Variants in NLGN1 observed in about 807,000 individuals in gnomAD.
NLGN1 encodes neuroligin-1.
Under a neutral mutation model 65.5 loss-of-function variants are expected in NLGN1, and 12 were observed. The observed-to-expected ratio is 0.18, with a 90% CI of 0.12 to 0.30. The LOEUF is 0.30. Among genes scored for constraint, NLGN1 ranks in the 10% least tolerant of loss-of-function variants. The pLI is 1.00. For missense variants in NLGN1, 750 were observed against 1,007.1 expected (o/e 0.74, Z 3.46); for synonymous variants, 350 against 359.5 (o/e 0.97, Z 0.30).
chr3:173,770,651 T>C (rs930974473), intron 3 of NLGN1, among the ~76,000 whole-genome samples: 1 of 152,152 alleles, frequency 6.6e-6, no homozygotes, highest in African/African-American at 2.4e-5. Flanking sequence ...TGAGAAACAA[T>C]TGATTCACAG....
intron 2 of NLGN1, among the ~76,000 whole-genome samples, chr3:173,522,943 T>TTTTTTTTTTTTTTTTTTTTTTGAGACGGA (rs1553875214): frequency 9.2e-5 from 14 of 151,966 alleles, no homozygotes; most frequent in South Asian, 2.1e-4. Flanking sequence ...TGTTGTTTTT[T>TTTTTTTTTTTTTTTTTTTTTTGAGACGGA]GACTTTGTAG....
chr3:173,599,819 C>T (rs1361682631), intron 2 of NLGN1, among the ~76,000 whole-genome samples: 1 of 152,100 alleles, frequency 6.6e-6, no homozygotes, highest in African/African-American at 2.4e-5. Flanking sequence ...ACTTACAGCA[C>T]GTTTACCATC....
intron 3 of NLGN1, among the ~76,000 whole-genome samples, chr3:173,621,263 G>A (rs1753941688): frequency 6.6e-6 from 1 of 152,096 alleles, no homozygotes; most frequent in South Asian, 2.1e-4. Context: ...GAATCAGAAA[G>A]GTATCTTAGA....
intron 4 of NLGN1, among the ~76,000 whole-genome samples, chr3:174,085,856 G>A (rs1743124473): frequency 6.6e-6 from 1 of 151,870 alleles, no homozygotes; most frequent in Non-Finnish European, 1.5e-5. Context: ...ATATTAGGCT[G>A]GTGCAAACAT....
chr3:174,147,123 G>GA (rs1723424166), intron 4 of NLGN1, among the ~76,000 whole-genome samples: 1 of 152,090 alleles, frequency 6.6e-6, no homozygotes, highest in South Asian at 2.1e-4. Flanking sequence ...CCCAGTTATA[G>GA]AAAAAGCATT....
At chr3:174,260,312 G>T (rs1251393823) in intron 4 of NLGN1, among the ~76,000 whole-genome samples, 1 of 148,978 alleles carries the variant, frequency 6.7e-6, no homozygotes, top group African/African-American at 2.5e-5. Context: ...CAGTGTAAAA[G>T]TGTTCCTATT....
chr3:174,285,410 C>T (rs2152899611), exon 7 of NLGN1: 1 of 151,562 alleles, frequency 6.6e-6, no homozygotes, highest in South Asian at 2.1e-4. Context: ...TTAATGGGCA[C>T]TTCCCTGCTG....
chr3:174,262,521 C>T (rs1400639206), intron 4 of NLGN1, among the ~76,000 whole-genome samples: 8 of 129,432 alleles, frequency 6.2e-5, no homozygotes, highest in African/African-American at 9.0e-5. Context: ...TCTGTGGGAT[C>T]GGTGGTGATA....
chr3:173,713,784 ATAAGCATAGC>A (rs1275187293), intron 3 of NLGN1, among the ~76,000 whole-genome samples: 1 of 152,182 alleles, frequency 6.6e-6, no homozygotes, highest in Non-Finnish European at 1.5e-5. Flanking sequence ...AAGGTTAATT[ATAAGCATAGC>A]TGTTACATGT....
chr3:174,259,095 G>A (rs762428281), intron 4 of NLGN1, among the ~76,000 whole-genome samples: 1 of 152,018 alleles, frequency 6.6e-6, no homozygotes, highest in Non-Finnish European at 1.5e-5. Flanking sequence ...TCATTAGGGG[G>A]ACATTTATCC....
At chr3:174,100,325 C>T (rs576793414) in intron 4 of NLGN1, among the ~76,000 whole-genome samples, 12 of 151,852 alleles carry the variant, frequency 7.9e-5, no homozygotes, top group Non-Finnish European at 1.0e-4. Flanking sequence ...TAATGTTCAC[C>T]GTAAAGTATA....
chr3:173,460,891 A>G (rs1021649302), intron 2 of NLGN1, among the ~76,000 whole-genome samples: 1 of 152,088 alleles, frequency 6.6e-6, no homozygotes, highest in African/African-American at 2.4e-5. Context: ...CTGCCTAGGG[A>G]ATGCTCTCTC....
At chr3:174,102,335 A>G (rs1304956382) in intron 4 of NLGN1, among the ~76,000 whole-genome samples, 1 of 152,124 alleles carries the variant, frequency 6.6e-6, no homozygotes, top group African/African-American at 2.4e-5. Context: ...ACTAAAGTCG[A>G]AATTAATAAA....
chr3:174,126,207 T>C (rs1388932628), intron 4 of NLGN1, among the ~76,000 whole-genome samples: 1 of 152,132 alleles, frequency 6.6e-6, no homozygotes, highest in Non-Finnish European at 1.5e-5. Flanking sequence ...TGTTTGTTTG[T>C]TTGGGCTTTA....
At chr3:173,717,983 AG>A (rs1770154684) in intron 3 of NLGN1, among the ~76,000 whole-genome samples, 1 of 152,188 alleles carries the variant, frequency 6.6e-6, no homozygotes, top group African/African-American at 2.4e-5. Context: ...TGAGAATGTT[AG>A]AACTTCACTC....
intron 4 of NLGN1, among the ~76,000 whole-genome samples, chr3:173,961,940 C>T (rs1343065866): frequency 6.6e-6 from 1 of 152,024 alleles, no homozygotes; most frequent in African/African-American, 2.4e-5. Flanking sequence ...GTGTCTTCTT[C>T]CTCAAGCTAT....
intron 4 of NLGN1, among the ~76,000 whole-genome samples, chr3:173,882,964 G>T (rs964489474): frequency 2.0e-5 from 3 of 148,812 alleles, no homozygotes; most frequent in Non-Finnish European, 4.5e-5. Context: ...CAGCCATTGA[G>T]GAGTTATTAA....
intron 3 of NLGN1, among the ~76,000 whole-genome samples, chr3:173,764,758 A>C (rs542136273): frequency 3.6e-4 from 55 of 152,142 alleles, no homozygotes; most frequent in Non-Finnish European, 7.2e-4. Flanking sequence ...AATTTTCTGA[A>C]TAGGAATTAA....
intron 3 of NLGN1, among the ~76,000 whole-genome samples, chr3:173,635,992 A>G (rs1756519469): frequency 6.6e-6 from 1 of 152,126 alleles, no homozygotes. Context: ...AGACTGTAGT[A>G]TATTTATTGG....
Sources: gnomAD v4.1 joint callset for allele counts (sites outside exome capture counted in the v4.1 genomes callset) on GRCh38, gnomAD v4.1.1 for gene constraint, MANE v1.5 for transcripts, NCBI Gene and HGNC (gene_info 2026-07-23, HGNC 2026-07-21) for gene names.